Variants in TTF1 observed in about 807,000 individuals in gnomAD.
TTF1 encodes the protein transcription termination factor 1.
A neutral mutation model predicts 80.2 loss-of-function variants in TTF1; 64 were observed. The ratio of observed to expected loss-of-function variants is 0.80; its 90% confidence interval spans 0.65 to 0.98. The LOEUF is 0.98. Ranked by LOEUF, TTF1 falls within the 50% of genes least tolerant of loss-of-function variation. The pLI is 0.00. For missense variants in TTF1, 1,023 were observed against 1,086.2 expected (o/e 0.94, Z 0.82); for synonymous variants, 372 against 382.7 (o/e 0.97, Z 0.33).
Position 132,400,135 on chromosome 9 carries a change from C to G in TTF1, c.1491G>C (p.Gln497His). ...TGATGTTAGGAATGAACTCCTGAAG[C>G]TGTTTCACGGCAGAACCCAAATCCG... ...SDADLGSAVK[Q>H]LQEFIPNIKD... Residue 497 changes from glutamine (Q) to histidine (H), a missense_variant, in exon 3 of 11, where the codon CAG becomes CAC. By Grantham distance (24) the Gln-to-His change is conservative (BLOSUM62 0). Transcript: ENST00000334270. 1 of 1,614,162 alleles carries G rather than the reference C, an allele frequency of 6.2e-7. No homozygotes were observed. The highest frequency in any genetic ancestry group is 8.5e-7 in the Non-Finnish European group (1 of 1,180,038).
chr9:132,377,780 TGA>T (rs1215655350), intron 10 of TTF1, among the ~76,000 whole-genome samples: 3 of 136,194 alleles, frequency 2.2e-5, no homozygotes, highest in African/African-American at 8.5e-5. Flanking sequence ...GTGGTGTGTG[TGA>T]GTGCATGTGG....
chr9:132,386,645 A>AT (rs781423651), intron 8 of TTF1, 24 bp from the exon 9 acceptor site: 2 of 1,585,276 alleles, frequency 1.3e-6, no homozygotes, highest in Admixed American at 3.4e-5. Context: ...TAAAAATTAA[A>AT]TTTTCAAGCA....
intron 10 of TTF1, among the ~76,000 whole-genome samples, chr9:132,378,164 TGTGGTGTGTGTG>T: frequency 1.6e-5 from 2 of 124,438 alleles, no homozygotes; most frequent in African/African-American, 6.2e-5. Context: ...TGTGAGTGCA[TGTGGTGTGTGTG>T]AATGCATGTG....
Position 132,392,247 on chromosome 9 carries a change from A to G in TTF1, c.1857-41T>C, listed in dbSNP as rs1474242224. On this transcript the variant is annotated intron_variant, in intron 5 of 10. Transcript: ENST00000334270. The stretch of plus-strand genomic sequence containing the variant: ...AATGTTTTACAAGTTTAAACGAACT[A>G]TCAGATTAAAAATGGTATTCTCATC... The G allele has an allele frequency of 1.9e-6, 3 of 1,611,424 alleles. No individual in the cohort carries two copies. In the South Asian group the frequency reaches 3.3e-5, roughly 18 times the overall value.
At chr9:132,398,043 G>T in intron 4 of TTF1, 98 bp downstream of exon 4, 1 of 978,844 alleles carries the variant, frequency 1.0e-6, no homozygotes, top group Non-Finnish European at 1.4e-6. Flanking sequence ...GCCGCCTGCA[G>T]GCAATGGGCC....
In TTF1 at chr9:132,396,720, T is replaced by G. The variant is rs183081120; in HGVS notation, c.1778-209A>C. ...TCTCACTCTGTCACTGAGGCTGGAG[T>G]GCAGTGGCACTGTGTCGGCTCACTG... On this transcript the variant is annotated intron_variant, in intron 4 of 10. Transcript: ENST00000334270. 2.0e-5 allele frequency among the ~76,000 whole-genome samples: 3 copies of G among 150,656 alleles called. No individual in the cohort carries two copies. The East Asian group carries it at 5.9e-4, about 30-fold the overall frequency.
In TTF1 at chr9:132,378,657, A is replaced by C. The variant is rs557483947; in HGVS notation, c.2464+402T>G. On this transcript the variant is annotated intron_variant, in intron 10 of 10. Transcript: ENST00000334270. The stretch of plus-strand genomic sequence containing the variant: ...GTGTGAGTGCATGTGGTGTGAGTGC[A>C]TACGTGTGTGAGTGCATGCATGTGG... Among the ~76,000 whole-genome samples the C allele has an allele frequency of 6.4e-3, 734 of 114,542 alleles. 18 individuals carry two copies. The highest frequency in any genetic ancestry group is 0.032 in the Middle Eastern group (4 of 124). The allele number at this position is 114,542 out of a possible 152,430, so 75.1% of individuals were successfully genotyped here.
intron 4 of TTF1, 35 bp from the exon 5 acceptor site, chr9:132,396,546 CATGAA>C: frequency 6.3e-7 from 1 of 1,592,416 alleles, no homozygotes. Flanking sequence ...GAGGGACTCA[CATGAA>C]ATGAAGTCGC....
Position 132,382,092 on chromosome 9 carries a change from C to T in TTF1, c.2379-2948G>A, listed in dbSNP as rs191576649. On this transcript the variant is annotated intron_variant, in intron 9 of 10. Coordinates refer to ENST00000334270, the MANE Select transcript of TTF1 (RefSeq NM_007344.4). The stretch of plus-strand genomic sequence containing the variant: ...TGCTCTGCAGCCCAGCTCTCCCTTG[C>T]GTAGCAAGCAGTAAGTTGAGATATC... 2.2e-4 allele frequency among the ~76,000 whole-genome samples: 34 copies of T among 152,328 alleles called. 1 individual carries two copies. The South Asian group carries it at 4.3e-3, about 19-fold the overall frequency.
Position 132,383,145 on chromosome 9 carries a change from G to A in TTF1, c.2378+3411C>T, listed in dbSNP as rs199883963. Among the ~76,000 whole-genome samples the A allele has an allele frequency of 3.3e-5, 5 of 151,766 alleles. No individual in the cohort carries two copies. The East Asian group carries it at 5.8e-4, about 18-fold the overall frequency. ...TGCCTCTAATTCCAGCTATTTAGGT[G>A]GCTGAGGCACAAGAATTGCTTGAAC... is the stretch of plus-strand genomic sequence containing the variant. On this transcript the variant is annotated intron_variant, in intron 9 of 10. Transcript: ENST00000334270.
Position 132,402,777 on chromosome 9 carries a change from A to G in TTF1, c.45T>C (p.Ser15=), listed in dbSNP as rs768920161. ...TAGAACACTTTTTCTTTTTCTTGTC[A>G]GAAACTGGAGTGTGGATTTCAAATC... is the stretch of plus-strand genomic sequence containing the variant. ...SSRFEIHTPV[S]DKKKKKCSIH... Residue 15 remains serine, a synonymous_variant, in exon 2 of 11, where the codon TCT becomes TCC. Transcript: ENST00000334270. The G allele has an allele frequency of 1.3e-6, 2 of 1,597,184 alleles. No homozygotes were observed. Among genetic ancestry groups the G allele is most frequent in the South Asian group, 2.3e-5 (2 of 87,526 alleles).
At chr9:132,401,324 C>T (rs1849757858) in intron 2 of TTF1, 131 bp downstream of exon 2, 1 of 897,024 alleles carries the variant, frequency 1.1e-6, no homozygotes, top group Non-Finnish European at 1.4e-6. Flanking sequence ...AAATCTCCAC[C>T]TCAAAAATAA....
At chr9:132,385,300 G>T (rs1284124620) in intron 9 of TTF1, among the ~76,000 whole-genome samples, 1 of 152,176 alleles carries the variant, frequency 6.6e-6, no homozygotes, top group African/African-American at 2.4e-5. Context: ...AAGTTCCCCA[G>T]ATGATTTTGA....
chr9:132,378,458 TGTG>T (rs1228818539), intron 10 of TTF1, among the ~76,000 whole-genome samples: 2 of 135,206 alleles, frequency 1.5e-5, no homozygotes, highest in Non-Finnish European at 3.1e-5. Context: ...TGTGAGTGCA[TGTG>T]GTGTGTGTGA....
chr9:132,406,330 G>A (rs151273576), intron 1 of TTF1, among the ~76,000 whole-genome samples: 234 of 152,166 alleles, frequency 1.5e-3, no homozygotes, highest in African/African-American at 4.7e-3. Context: ...GGCCGGGCGC[G>A]GTGGCTCACG....
Position 132,401,667 on chromosome 9 carries a change from T to C in TTF1, c.1155A>G (p.Thr385=), listed in dbSNP as rs1849765313. Residue 385 remains threonine, a synonymous_variant, in exon 2 of 11, where the codon ACA becomes ACG. Transcript: ENST00000334270. Reference sequence around the variant, plus strand: ...GCTTCCTTTTCTTAGACTTCTTCTTTGTACTGTTGGATTCCTTGAACCCTT... The same window carrying C: ...GCTTCCTTTTCTTAGACTTCTTCTTCGTACTGTTGGATTCCTTGAACCCTT... ...ALKGFKESNS[T]KKKSKKRKLT... is the part of the protein sequence containing the mutation. 3 of 1,614,234 alleles carry C rather than the reference T, an allele frequency of 1.9e-6. No homozygotes were observed. Among genetic ancestry groups the C allele is most frequent in the Non-Finnish European group, 2.5e-6 (3 of 1,180,044 alleles).
intron 7 of TTF1, among the ~76,000 whole-genome samples, chr9:132,389,252 G>A (rs150699288): frequency 1.4e-3 from 206 of 147,578 alleles, no homozygotes; most frequent in African/African-American, 4.4e-3. Flanking sequence ...GCGTGATCTC[G>A]GCTCACTGTA....
intron 2 of TTF1, among the ~76,000 whole-genome samples, chr9:132,400,987 T>C (rs1849751174): frequency 6.6e-6 from 1 of 152,206 alleles, no homozygotes; most frequent in African/African-American, 2.4e-5. Flanking sequence ...AGATGTACGA[T>C]ATTCTGTACA....
intron 9 of TTF1, among the ~76,000 whole-genome samples, chr9:132,381,871 A>G (rs984136684): frequency 2.6e-5 from 4 of 152,186 alleles, no homozygotes; most frequent in African/African-American, 9.7e-5. Flanking sequence ...GACTAGAAAC[A>G]AAACAAAATC....
Sources: allele counts gnomAD v4.1 joint callset (sites outside exome capture counted in the v4.1 genomes callset), GRCh38; gene constraint gnomAD v4.1.1; transcripts MANE v1.5; gene names NCBI Gene and HGNC (gene_info 2026-07-23, HGNC 2026-07-21).